RORA: variants seen among roughly 807,000 people sequenced by gnomAD.
RORA encodes nuclear receptor ROR-alpha.
In RORA, 7 loss-of-function variants were observed where a neutral mutation model predicts 69.5. The observed-to-expected ratio is 0.10, with a 90% CI of 0.06 to 0.19. The LOEUF is 0.19. Among genes scored for constraint, RORA ranks in the 10% least tolerant of loss-of-function variants. The probability of loss-of-function intolerance (pLI) is 1.00; values close to 1 mark genes in which losing one functional copy is unlikely to be tolerated. For missense variants in RORA, 457 were observed against 663.0 expected, an observed-to-expected ratio of 0.69 and a Z score of 3.41; for synonymous variants, 261 against 240.8, an observed-to-expected ratio of 1.08 and a Z score of -0.78.
chr15:60,540,095 G>A (rs952001211), intron 2 of RORA, among the ~76,000 whole-genome samples: 11 of 152,194 alleles, frequency 7.2e-5, no homozygotes, highest in African/African-American at 2.4e-4. Context: ...CAACAATGGT[G>A]TCCCTTACAT....
intron 1 of RORA, among the ~76,000 whole-genome samples, chr15:60,978,319 G>C (rs2689357): frequency 6.6e-6 from 1 of 152,086 alleles, no homozygotes; most frequent in Non-Finnish European, 1.5e-5. Flanking sequence ...CTCCTTTGAA[G>C]AAATGTCTAT....
chr15:61,011,040 G>A (rs1289298391), intron 1 of RORA, among the ~76,000 whole-genome samples: 1 of 152,206 alleles, frequency 6.6e-6, no homozygotes. Flanking sequence ...AGATTCTGAT[G>A]AAGTCAAGTG....
chr15:61,029,526 C>A (rs1015167447), intron 1 of RORA, among the ~76,000 whole-genome samples: 2 of 152,074 alleles, frequency 1.3e-5, no homozygotes, highest in South Asian at 4.1e-4. Flanking sequence ...GTAAGGAGTA[C>A]AGACGGGAGG....
At chr15:60,613,184 T>G (rs1020898385) in intron 2 of RORA, among the ~76,000 whole-genome samples, 4 of 152,202 alleles carry the variant, frequency 2.6e-5, no homozygotes, top group African/African-American at 7.2e-5. Context: ...GTCTCCTGTA[T>G]AACATGTATC....
At chr15:60,810,800 T>C (rs1423553477) in intron 1 of RORA, among the ~76,000 whole-genome samples, 2 of 152,070 alleles carry the variant, frequency 1.3e-5, no homozygotes, top group African/African-American at 4.8e-5. Flanking sequence ...ATGCTTTCCT[T>C]AAATGACTGG....
intron 1 of RORA, among the ~76,000 whole-genome samples, chr15:61,046,955 T>G (rs1203824678): frequency 6.6e-6 from 1 of 152,244 alleles, no homozygotes; most frequent in Non-Finnish European, 1.5e-5. Context: ...AGGCCCTTCT[T>G]GGAGAGCATC....
At chr15:61,086,821 G>A (rs1293534380) in intron 1 of RORA, among the ~76,000 whole-genome samples, 2 of 151,800 alleles carry the variant, frequency 1.3e-5, no homozygotes, top group African/African-American at 2.4e-5. Flanking sequence ...AAACTCATTT[G>A]TTTACGTATT....
At chr15:60,981,150 T>C (rs772868387) in intron 1 of RORA, among the ~76,000 whole-genome samples, 6 of 151,678 alleles carry the variant, frequency 4.0e-5, no homozygotes, top group Non-Finnish European at 7.4e-5. Context: ...TTGGCCTCCA[T>C]GGTTTGTGAT....
chr15:60,678,745 T>A (rs1185344847), intron 1 of RORA, 59 bp from the exon 2 acceptor site: 1 of 1,417,140 alleles, frequency 7.1e-7, no homozygotes. Context: ...CTGCTTTGAA[T>A]GTCCGTCATT....
chr15:60,694,486 G>A (rs1003532079), intron 1 of RORA, among the ~76,000 whole-genome samples: 5 of 152,128 alleles, frequency 3.3e-5, no homozygotes, highest in Admixed American at 2.6e-4. Context: ...TTCTCATTTC[G>A]TACAGTTTGG....
chr15:61,199,321 GA>G (rs766928089), intron 1 of RORA, among the ~76,000 whole-genome samples: 14 of 152,140 alleles, frequency 9.2e-5, no homozygotes, highest in Non-Finnish European at 1.8e-4. Context: ...GAACAAAGCA[GA>G]TATTCAATAA....
At chr15:61,091,204 G>A (rs776812112) in intron 1 of RORA, among the ~76,000 whole-genome samples, 9 of 152,078 alleles carry the variant, frequency 5.9e-5, no homozygotes, top group Non-Finnish European at 1.2e-4. Flanking sequence ...GTTGAATTAC[G>A]CTGCTGAATA....
At chr15:60,940,111 AT>A (rs1386168220) in intron 1 of RORA, among the ~76,000 whole-genome samples, 1 of 152,206 alleles carries the variant, frequency 6.6e-6, no homozygotes, top group Non-Finnish European at 1.5e-5. Context: ...CCCTATCAGC[AT>A]TTTTTGAAAA....
At chr15:60,568,944 TA>T (rs34688193) in intron 2 of RORA, among the ~76,000 whole-genome samples, 88,025 of 137,192 alleles carry the variant, frequency 0.64, 29,220 homozygotes, top group Non-Finnish European at 0.75. Flanking sequence ...GGTTTTGCGC[TA>T]AAAAAAAAAA....
At chr15:60,799,365 C>G (rs2072545888) in intron 1 of RORA, among the ~76,000 whole-genome samples, 1 of 152,110 alleles carries the variant, frequency 6.6e-6, no homozygotes, top group African/African-American at 2.4e-5. Flanking sequence ...GGCGTCCTCT[C>G]AATTAGACTT....
intron 1 of RORA, among the ~76,000 whole-genome samples, chr15:60,933,534 C>A (rs774037299): frequency 3.2e-4 from 48 of 152,094 alleles, no homozygotes; most frequent in Non-Finnish European, 5.7e-4. Context: ...TTGTTGGTAC[C>A]TTCCTATTGA....
intron 1 of RORA, among the ~76,000 whole-genome samples, chr15:60,804,650 G>A (rs1024201331): frequency 6.6e-5 from 10 of 152,130 alleles, no homozygotes; most frequent in African/African-American, 2.4e-4. Context: ...TAGCCAAGAA[G>A]GACTACAAAT....
chr15:61,089,215 A>G (rs775002628), intron 1 of RORA, among the ~76,000 whole-genome samples: 3 of 152,236 alleles, frequency 2.0e-5, no homozygotes, highest in Non-Finnish European at 4.4e-5. Flanking sequence ...TCTTAGAGAT[A>G]ATAAAAAGCT....
At chr15:60,731,496 T>G (rs2071427858) in intron 1 of RORA, among the ~76,000 whole-genome samples, 1 of 152,100 alleles carries the variant, frequency 6.6e-6, no homozygotes, top group Non-Finnish European at 1.5e-5. Flanking sequence ...CAGAAAAAAG[T>G]CAAAACAGCA....
Sources: allele counts gnomAD v4.1 joint callset (sites outside exome capture counted in the v4.1 genomes callset), GRCh38; gene constraint gnomAD v4.1.1; transcripts MANE v1.5; gene names NCBI Gene and HGNC (gene_info 2026-07-23, HGNC 2026-07-21).